The following LINGO2 variants were observed in gnomAD, a reference collection of about 807,000 sequenced individuals.
The protein encoded by LINGO2 is leucine rich repeat and Ig domain containing 2.
A neutral mutation model predicts 30.6 loss-of-function variants in LINGO2; 14 were observed. The ratio of observed to expected loss-of-function variants is 0.46; its 90% CI spans 0.30 to 0.72. LINGO2 has a LOEUF of 0.72. LINGO2 is among the 30% of genes least tolerant of loss of function. LINGO2 has a pLI of 0.07. For synonymous variants in LINGO2, 317 were observed against 288.5 expected (o/e 1.10, Z -1.00); for missense variants, 729 against 751.7 (o/e 0.97, Z 0.35).
rs1383263512 is a variant in LINGO2 at position 28,078,896 on chromosome 9, G to A, written c.-86-66491C>T. 3.4e-5 allele frequency among the ~76,000 whole-genome samples: 5 copies of A among 148,116 alleles called. 2 individuals are homozygous for A. Among genetic ancestry groups the A allele is most frequent in the African/African-American group, 1.3e-4 (5 of 37,732 alleles). On this transcript the variant is annotated intron_variant, in intron 4 of 5. Coordinates refer to ENST00000379992, the Ensembl canonical transcript of LINGO2. The stretch of plus-strand genomic sequence containing the variant: ...CTTCTACTGAAATCTTATAGGCCAA[G>A]TGGGAGCACATTTCAGCAAGACAGT...
chr9:28,266,807 C>T (rs898135916), intron 4 of LINGO2, among the ~76,000 whole-genome samples: 5 of 152,064 alleles, frequency 3.3e-5, no homozygotes, highest in Admixed American at 1.3e-4. Flanking sequence ...ATTTCAGCCA[C>T]TCCTGGTCCC....
chr9:29,079,959 T>G, the LINGO2 span, among the ~76,000 whole-genome samples: 2 of 152,066 alleles, frequency 1.3e-5, no homozygotes, highest in Non-Finnish European at 2.9e-5. Context: ...CACAATAATT[T>G]TATGATATTT....
At chr9:27,959,235 A>T (rs1479218036) in intron 5 of LINGO2, among the ~76,000 whole-genome samples, 1 of 139,852 alleles carries the variant, frequency 7.2e-6, no homozygotes, top group Non-Finnish European at 1.5e-5. Context: ...GCTTGTATTG[A>T]TTTTCTCTAT....
At chr9:28,406,302 G>T (rs1335562935) in intron 2 of LINGO2, among the ~76,000 whole-genome samples, 1 of 143,564 alleles carries the variant, frequency 7.0e-6, no homozygotes, top group Non-Finnish European at 1.5e-5. Flanking sequence ...TGGGCATGGT[G>T]GTGTACGCCT....
the LINGO2 span, among the ~76,000 whole-genome samples, chr9:28,885,940 C>G: frequency 1.3e-5 from 2 of 152,106 alleles, no homozygotes; most frequent in Admixed American, 6.6e-5. Flanking sequence ...TTGAACTTGC[C>G]TAATATACTC....
At chr9:28,835,880 T>C in the LINGO2 span, among the ~76,000 whole-genome samples, 4 of 152,188 alleles carry the variant, frequency 2.6e-5, no homozygotes, top group African/African-American at 9.7e-5. Context: ...ACTGCACTTA[T>C]CACACTCTTT....
At chr9:28,735,808 T>G in the LINGO2 span, among the ~76,000 whole-genome samples, 1 of 152,054 alleles carries the variant, frequency 6.6e-6, no homozygotes, top group Non-Finnish European at 1.5e-5. Context: ...TTCTAGAGAT[T>G]ATTAAGCCAT....
chr9:29,068,041 A>C, the LINGO2 span, among the ~76,000 whole-genome samples: 1 of 151,600 alleles, frequency 6.6e-6, no homozygotes, highest in Non-Finnish European at 1.5e-5. Flanking sequence ...TTCTGCATCA[A>C]AATGAAAGAG....
intron 2 of LINGO2, among the ~76,000 whole-genome samples, chr9:28,428,393 T>C (rs931088887): frequency 2.0e-5 from 3 of 152,162 alleles, no homozygotes; most frequent in Admixed American, 1.3e-4. Flanking sequence ...CGAAGCAGAA[T>C]CACTGCTTCT....
the LINGO2 span, among the ~76,000 whole-genome samples, chr9:28,788,497 C>T: frequency 1.3e-5 from 2 of 151,932 alleles, no homozygotes; most frequent in Middle Eastern, 3.4e-3. Context: ...TATTTGAGAG[C>T]GAACCACACG....
At chr9:28,506,610 T>C (rs1820150483) in intron 1 of LINGO2, among the ~76,000 whole-genome samples, 1 of 83,922 alleles carries the variant, frequency 1.2e-5, no homozygotes, top group African/African-American at 4.2e-5. Flanking sequence ...AAAAAAGATA[T>C]GAATTGTCTC....
Position 28,209,671 on chromosome 9 carries a change from A to G in LINGO2, c.-87+85537T>C, listed in dbSNP as rs144266178. 1.6e-3 allele frequency among the ~76,000 whole-genome samples: 241 copies of G among 151,990 alleles called. 1 individual carries two copies. The highest frequency in any genetic ancestry group is 5.4e-3 in the African/African-American group (224 of 41,526). ...TCTCTGTGTCTCGGAGGAATTTTGT[A>G]TAAGTATATGGTTAAAACATTTTCT... On this transcript the variant is annotated intron_variant, in intron 4 of 5. Transcript: ENST00000379992.
In LINGO2 at chr9:28,541,339, A is replaced by G. The variant is rs927430295; in HGVS notation, c.-364-65314T>C. Reference sequence around the variant, plus strand: ...TAAAAAAACACTTCTCTCCTGGAGGAGGGACACATATTCTATCATAGGTTT... The same window carrying G: ...TAAAAAAACACTTCTCTCCTGGAGGGGGGACACATATTCTATCATAGGTTT... On this transcript the variant is annotated intron_variant, in intron 1 of 5. Coordinates refer to ENST00000379992, the Ensembl canonical transcript of LINGO2. Among the ~76,000 whole-genome samples the G allele has an allele frequency of 5.3e-5, 8 of 152,274 alleles. No homozygotes were observed. The East Asian group carries it at 7.7e-4, about 15-fold the overall frequency.
intron 3 of LINGO2, among the ~76,000 whole-genome samples, chr9:28,339,308 G>T (rs12237240): frequency 0.22 from 32,810 of 152,028 alleles, 4,309 homozygotes; most frequent in Non-Finnish European, 0.29. Flanking sequence ...GCTATTTTCA[G>T]TTCATTATCC....
At chr9:29,116,429 G>C in the LINGO2 span, among the ~76,000 whole-genome samples, 36,577 of 151,856 alleles carry the variant, frequency 0.24, 4,545 homozygotes, top group East Asian at 0.41. Flanking sequence ...CATATAATTT[G>C]TATTCATTTA....
At chr9:29,141,743 G>C in the LINGO2 span, among the ~76,000 whole-genome samples, 6 of 151,912 alleles carry the variant, frequency 3.9e-5, no homozygotes, top group East Asian at 1.2e-3. Flanking sequence ...AAATAGAACA[G>C]GCGTGACCTT....
intron 1 of LINGO2, among the ~76,000 whole-genome samples, chr9:28,601,789 T>G (rs17833420): frequency 1.3e-5 from 2 of 151,922 alleles, no homozygotes; most frequent in Admixed American, 1.3e-4. Flanking sequence ...TCTAACTTTA[T>G]GCAAAAGCTA....
At chr9:28,937,579 T>C in the LINGO2 span, among the ~76,000 whole-genome samples, 7 of 152,150 alleles carry the variant, frequency 4.6e-5, no homozygotes, top group South Asian at 1.2e-3. Flanking sequence ...TCTAGACCCA[T>C]TGGTGAGGAG....
the LINGO2 span, among the ~76,000 whole-genome samples, chr9:28,766,956 T>C: frequency 1.3e-5 from 2 of 152,082 alleles, no homozygotes; most frequent in African/African-American, 2.4e-5. Flanking sequence ...GGTATACATA[T>C]TGAAAATGTA....
Sources: allele counts gnomAD v4.1 joint callset (sites outside exome capture counted in the v4.1 genomes callset), GRCh38; gene constraint gnomAD v4.1.1; transcripts MANE v1.5; gene names NCBI Gene and HGNC (gene_info 2026-07-23, HGNC 2026-07-21).